The following NXPH1 variants were observed in gnomAD, a reference collection of about 807,000 sequenced individuals.
The protein encoded by NXPH1 is neurexophilin-1.
NXPH1 carries 5 observed loss-of-function variants against 23.7 expected under a neutral mutation model. That is an observed-to-expected ratio of 0.21 (90% confidence interval 0.11 to 0.44). The LOEUF is 0.44. NXPH1 is among the 20% of genes least tolerant of loss of function. The pLI is 0.99. For synonymous variants in NXPH1, 144 were observed against 122.2 expected (o/e 1.18, Z -1.18); for missense variants, 324 against 321.6 (o/e 1.01, Z -0.06).
intron 2 of NXPH1, among the ~76,000 whole-genome samples, chr7:8,678,420 T>C (rs1820988199): frequency 6.6e-6 from 1 of 152,170 alleles, no homozygotes; most frequent in Admixed American, 6.5e-5. Context: ...CTAGAACATC[T>C]CTTGGGGTCT....
intron 2 of NXPH1, among the ~76,000 whole-genome samples, chr7:8,748,350 C>A (rs138478536): frequency 1.3e-5 from 2 of 152,286 alleles, no homozygotes; most frequent in Non-Finnish European, 2.9e-5. Context: ...GAAGTACTTA[C>A]AACTAAAAAA....
At chr7:8,582,309 C>T (rs915058259) in intron 2 of NXPH1, among the ~76,000 whole-genome samples, 24 of 152,168 alleles carry the variant, frequency 1.6e-4, no homozygotes, top group African/African-American at 3.1e-4. Context: ...TGTGTTTCAG[C>T]CCTGTTTGCG....
At chr7:8,571,006 TATCTGTCTGTCTATCTA>T (rs1448806273) in intron 2 of NXPH1, among the ~76,000 whole-genome samples, 1 of 146,596 alleles carries the variant, frequency 6.8e-6, no homozygotes, top group Non-Finnish European at 1.5e-5. Flanking sequence ...TATGTCTGTC[TATCTGTCTGTCTATCTA>T]ATCTAATCTA....
chr7:8,647,063 G>A (rs1475378285), intron 2 of NXPH1, among the ~76,000 whole-genome samples: 1 of 152,132 alleles, frequency 6.6e-6, no homozygotes, highest in Non-Finnish European at 1.5e-5. Context: ...GGGACAGGCA[G>A]ACAATCGGAC....
chr7:8,533,177 C>T (rs978965995), intron 2 of NXPH1, among the ~76,000 whole-genome samples: 1 of 152,162 alleles, frequency 6.6e-6, no homozygotes, highest in Non-Finnish European at 1.5e-5. Context: ...TGACTTCAAA[C>T]ACCACATATT....
chr7:8,494,513 T>C (rs1817303464), intron 2 of NXPH1, among the ~76,000 whole-genome samples: 1 of 152,028 alleles, frequency 6.6e-6, no homozygotes, highest in South Asian at 2.1e-4. Context: ...TATTTAATGA[T>C]ATAATGTGTG....
intron 2 of NXPH1, among the ~76,000 whole-genome samples, chr7:8,644,684 A>G (rs980106212): frequency 9.9e-5 from 15 of 152,156 alleles, no homozygotes; most frequent in Non-Finnish European, 2.1e-4. Flanking sequence ...TTGTGAATAT[A>G]AAATATCTAA....
At chr7:8,436,048 G>C (rs1386097289) in intron 2 of NXPH1, among the ~76,000 whole-genome samples, 1 of 152,184 alleles carries the variant, frequency 6.6e-6, no homozygotes, top group Non-Finnish European at 1.5e-5. Flanking sequence ...GAGATGGGGT[G>C]CTTTATGTGA....
chr7:8,543,940 G>A lies in NXPH1; in HGVS notation c.54+108173G>A, dbSNP rs975969893. ...GGGATCTGTAGAATTAATTTAGCTC[G>A]GTTCTCTCTTATTTTTTCTGGAGGC... On this transcript the variant is annotated intron_variant, in intron 2 of 2. Transcript: ENST00000405863. Among the ~76,000 whole-genome samples the A allele has an allele frequency of 5.3e-5, 8 of 151,438 alleles. No individual in the cohort carries two copies. The East Asian group carries it at 5.9e-4, about 11-fold the overall frequency.
intron 2 of NXPH1, among the ~76,000 whole-genome samples, chr7:8,659,952 T>C (rs5029276): frequency 0.63 from 96,362 of 151,878 alleles, 31,475 homozygotes; most frequent in Middle Eastern, 0.76. Flanking sequence ...GGACATTTCA[T>C]AATACAGAGA....
At chr7:8,715,331 T>C (rs1467420514) in intron 2 of NXPH1, among the ~76,000 whole-genome samples, 1 of 152,160 alleles carries the variant, frequency 6.6e-6, no homozygotes, top group Non-Finnish European at 1.5e-5. Context: ...GCATCAAAAT[T>C]TGAGATTGTC....
At chr7:8,455,987 G>C (rs898948066) in intron 2 of NXPH1, among the ~76,000 whole-genome samples, 1 of 152,148 alleles carries the variant, frequency 6.6e-6, no homozygotes, top group African/African-American at 2.4e-5. Context: ...AAGGTCATTA[G>C]GCAATTTTCT....
At chr7:8,683,547 T>G (rs73243519) in intron 2 of NXPH1, among the ~76,000 whole-genome samples, 10,888 of 152,242 alleles carry the variant, frequency 0.072, 641 homozygotes, top group African/African-American at 0.15. Flanking sequence ...TTCAGCCCAG[T>G]GTGCTTTCTT....
chr7:8,449,164 A>G (rs1816459948), intron 2 of NXPH1, among the ~76,000 whole-genome samples: 1 of 152,236 alleles, frequency 6.6e-6, no homozygotes, highest in Non-Finnish European at 1.5e-5. Flanking sequence ...CTAGCTGAAT[A>G]TCTGAGTGTG....
intron 2 of NXPH1, among the ~76,000 whole-genome samples, chr7:8,475,562 A>C (rs1392882726): frequency 1.3e-5 from 2 of 152,168 alleles, no homozygotes; most frequent in Non-Finnish European, 2.9e-5. Flanking sequence ...CATAAAGTGG[A>C]TGTCTTCATA....
chr7:8,479,545 G>A (rs1817037080), intron 2 of NXPH1, among the ~76,000 whole-genome samples: 1 of 152,088 alleles, frequency 6.6e-6, no homozygotes, highest in Admixed American at 6.6e-5. Flanking sequence ...TAAAGGCTTA[G>A]GAAAAGTGAG....
chr7:8,571,015 GTCTATCTAA>G (rs926226331), intron 2 of NXPH1, among the ~76,000 whole-genome samples: 2 of 131,394 alleles, frequency 1.5e-5, no homozygotes, highest in African/African-American at 5.8e-5. Context: ...CTATCTGTCT[GTCTATCTAA>G]TCTAATCTAA....
chr7:8,450,792 C>T (rs1160986576), intron 2 of NXPH1, among the ~76,000 whole-genome samples: 1 of 152,200 alleles, frequency 6.6e-6, no homozygotes, highest in African/African-American at 2.4e-5. Context: ...TATTCATATT[C>T]TCCGCAAGAA....
chr7:8,526,337 CT>C (rs1817861098), intron 2 of NXPH1, among the ~76,000 whole-genome samples: 1 of 152,168 alleles, frequency 6.6e-6, no homozygotes, highest in Non-Finnish European at 1.5e-5. Context: ...AACTAGCTTG[CT>C]TTTCATTTTA....
Sources: gnomAD v4.1 joint callset for allele counts (sites outside exome capture counted in the v4.1 genomes callset) on GRCh38, gnomAD v4.1.1 for gene constraint, MANE v1.5 for transcripts, NCBI Gene and HGNC (gene_info 2026-07-23, HGNC 2026-07-21) for gene names.